The following LYRM1 variants were observed in gnomAD, a reference collection of about 807,000 sequenced individuals.
LYRM1 encodes the protein LYR motif-containing protein 1.
LYRM1 carries 14 observed loss-of-function variants against 14.9 expected under a neutral mutation model. The observed-to-expected ratio is 0.94, with a 90% CI of 0.62 to 1.47. LYRM1 has a LOEUF of 1.47. Among genes scored for constraint, LYRM1 ranks in the 40% most tolerant of loss-of-function variants. The probability of loss-of-function intolerance (pLI) is 0.00; values close to 1 mark genes in which losing one functional copy is unlikely to be tolerated. For synonymous variants in LYRM1, 43 were observed against 56.2 expected (o/e 0.77, Z 1.05); for missense variants, 153 against 149.9 (o/e 1.02, Z -0.11).
rs979855370 is a variant in LYRM1 at position 20,900,792 on chromosome 16, G to A, written c.-98G>A. 4 of 152,426 alleles carry A rather than the reference G, an allele frequency of 2.6e-5. No homozygotes were observed. The highest frequency in any genetic ancestry group is 4.4e-5 in the Non-Finnish European group (3 of 68,298). The allele number at this position is 152,426 out of a possible 1,614,324, so 9.4% of individuals were successfully genotyped here. ...TGGCCTACTGGACCAGCCTGTGCTC[G>A]GTCGGCCACGGCTCTGCTGGGCTCC... On this transcript the variant is annotated 5_prime_UTR_variant, in exon 1 of 4. Transcript: ENST00000567954.
intron 1 of LYRM1, 95 bp from the exon 2 acceptor site, chr16:20,915,459 CAA>C (rs566437893): frequency 8.8e-3 from 6,895 of 787,706 alleles, no homozygotes; most frequent in South Asian, 0.011. Flanking sequence ...GACTCCGTCT[CAA>C]AAAAAAAAAA....
intron 2 of LYRM1, among the ~76,000 whole-genome samples, chr16:20,917,767 C>CA (rs1371107777): frequency 6.6e-6 from 1 of 151,494 alleles, no homozygotes; most frequent in Non-Finnish European, 1.5e-5. Flanking sequence ...CCAAAAAAAC[C>CA]AAAAAAAGAG....
rs3054656 is a variant in LYRM1, at chr16:20,914,277, C to CT, written c.1-1257dup. On this transcript the variant is annotated intron_variant, in intron 1 of 3. Transcript: ENST00000567954. ...TTTTGTTTGGCCTGTACAGTCGTCA[C>CT]TTTTTTTTTTTTTTTTTTTTTTCTT... Among the ~76,000 whole-genome samples, 616 of 109,298 alleles carry CT rather than the reference C, an allele frequency of 5.6e-3. 6 individuals carry two copies. The highest frequency in any genetic ancestry group is 6.9e-3 in the East Asian group (27 of 3,898). The allele number at this position is 109,298 out of a possible 152,430, so 71.7% of individuals were successfully genotyped here.
chr16:20,911,579 A>G (rs1161950313), intron 1 of LYRM1, among the ~76,000 whole-genome samples: 2 of 152,084 alleles, frequency 1.3e-5, no homozygotes, highest in African/African-American at 4.8e-5. Flanking sequence ...TTACTCACCA[A>G]ATCTGCCCTC....
chr16:20,913,566 C>T lies in LYRM1; in HGVS notation c.1-1990C>T, dbSNP rs147782870. Among the ~76,000 whole-genome samples the T allele has an allele frequency of 3.1e-3, 473 of 152,208 alleles. 4 individuals are homozygous for T. Among genetic ancestry groups the T allele is most frequent in the African/African-American group, 0.01 (433 of 41,520 alleles). ...ACCTCAAGTGATCCACCTGCCTCGG[C>T]CTCCCAAACTGCTGGGATTACAGGC... On this transcript the variant is annotated intron_variant, in intron 1 of 3. Coordinates refer to ENST00000567954, the MANE Select transcript of LYRM1 (RefSeq NM_001128302.3).
chr16:20,913,864 A>G (rs2152542931), intron 1 of LYRM1, among the ~76,000 whole-genome samples: 1 of 151,734 alleles, frequency 6.6e-6, no homozygotes, highest in African/African-American at 2.4e-5. Flanking sequence ...GCTGGAGTGC[A>G]GTGGCCGGAT....
rs1385907026 is a variant in LYRM1, at chr16:20,915,560, C to A, written c.5C>A (p.Thr2Lys). Residue 2 changes from threonine (T) to lysine (K), a missense_variant, in exon 2 of 4, where the codon ACA becomes AAA. Transcript: ENST00000567954. M[T>K]TATRQEVLGL... ...TCTATTTTGGTGGGTCTGAAGATGA[C>A]AACGGCAACACGACAAGAAGTCCTT... The A allele has an allele frequency of 6.2e-7, 1 of 1,613,160 alleles. No individual in the cohort carries two copies. The highest frequency in any genetic ancestry group is 1.3e-5 in the African/African-American group (1 of 74,752).
intron 1 of LYRM1, among the ~76,000 whole-genome samples, chr16:20,913,330 T>C (rs2082700112): frequency 6.6e-6 from 1 of 150,516 alleles, no homozygotes. Context: ...TTTTTTTTTT[T>C]TTTGGAGACA....
intron 2 of LYRM1, among the ~76,000 whole-genome samples, chr16:20,917,908 A>G (rs1347921564): frequency 2.0e-5 from 3 of 151,328 alleles, no homozygotes; most frequent in Non-Finnish European, 4.4e-5. Context: ...ACACGTTCTT[A>G]TACTTATCTA....
chr16:20,903,446 T>C (rs1393621263), intron 1 of LYRM1, among the ~76,000 whole-genome samples: 1 of 152,260 alleles, frequency 6.6e-6, no homozygotes, highest in African/African-American at 2.4e-5. Flanking sequence ...GTGTAGCCAC[T>C]GACCACATGT....
chr16:20,913,490 T>G (rs945735820), intron 1 of LYRM1, among the ~76,000 whole-genome samples: 1 of 152,092 alleles, frequency 6.6e-6, no homozygotes, highest in South Asian at 2.1e-4. Flanking sequence ...TTTTGTATTT[T>G]TAGTAGAGAC....
chr16:20,912,689 A>G (rs1478249369), intron 1 of LYRM1, among the ~76,000 whole-genome samples: 1 of 152,200 alleles, frequency 6.6e-6, no homozygotes, highest in South Asian at 2.1e-4. Flanking sequence ...TATGAACCAG[A>G]GCCATGTGTA....
chr16:20,904,394 G>A (rs2082213294), intron 1 of LYRM1, among the ~76,000 whole-genome samples: 1 of 151,774 alleles, frequency 6.6e-6, no homozygotes, highest in Non-Finnish European at 1.5e-5. Context: ...TTTTGTTTTG[G>A]CCCCGTGTTC....
At chr16:20,916,257 C>T (rs890479207) in intron 2 of LYRM1, among the ~76,000 whole-genome samples, 2 of 152,076 alleles carry the variant, frequency 1.3e-5, no homozygotes, top group Non-Finnish European at 2.9e-5. Context: ...ATAGTGTCTC[C>T]ATTAGCTGGT....
chr16:20,914,260 G>A (rs1451754157), intron 1 of LYRM1, among the ~76,000 whole-genome samples: 15 of 148,126 alleles, frequency 1.0e-4, no homozygotes, highest in African/African-American at 3.7e-4. Flanking sequence ...CATTTTGTTT[G>A]GCCTGTACAG....
At position 20,924,175 on chromosome 16, in the gene LYRM1, G is replaced by A; in HGVS notation, c.*59G>A. The A allele has an allele frequency of 1.0e-6, 1 of 957,514 alleles. No individual in the cohort carries two copies. Among genetic ancestry groups the A allele is most frequent in the East Asian group, 2.5e-5 (1 of 40,490 alleles). The allele number at this position is 957,514 out of a possible 1,614,324, so 59.3% of individuals were successfully genotyped here. On this transcript the variant is annotated 3_prime_UTR_variant, in exon 4 of 4. Coordinates refer to ENST00000567954, the MANE Select transcript of LYRM1 (RefSeq NM_001128302.3). ...CCAACTAGTTATTGAATGTAAACCA[G>A]ATGGCAAAACACTTCTTGATTAGGG...
chr16:20,906,725 C>T (rs1258717565), intron 1 of LYRM1, among the ~76,000 whole-genome samples: 1 of 152,136 alleles, frequency 6.6e-6, no homozygotes, highest in Non-Finnish European at 1.5e-5. Context: ...TCTTAAATTC[C>T]TAAGTGTTCA....
chr16:20,915,415 G>A (rs1567457142), intron 1 of LYRM1, 141 bp from the exon 2 acceptor site: 2 of 700,426 alleles, frequency 2.9e-6, no homozygotes, highest in East Asian at 5.7e-5. Context: ...AGCCGAGATT[G>A]CACCACTGCA....
chr16:20,908,382 C>T (rs570978877), intron 1 of LYRM1, among the ~76,000 whole-genome samples: 101 of 152,302 alleles, frequency 6.6e-4, no homozygotes, highest in African/African-American at 2.4e-3. Flanking sequence ...AAGCAATCAA[C>T]AGACATTCAA....
Sources: gnomAD v4.1 joint callset for allele counts (sites outside exome capture counted in the v4.1 genomes callset) on GRCh38, gnomAD v4.1.1 for gene constraint, MANE v1.5 for transcripts, NCBI Gene and HGNC (gene_info 2026-07-23, HGNC 2026-07-21) for gene names.